Variants in SYNDIG1 observed in about 807,000 individuals in gnomAD.
SYNDIG1 encodes the protein synapse differentiation-inducing gene protein 1.
SYNDIG1 carries 9 observed loss-of-function variants against 19.4 expected under a neutral mutation model. That is an observed-to-expected ratio of 0.46 (90% CI 0.28 to 0.81). SYNDIG1 has a LOEUF of 0.81. SYNDIG1 is among the 30% of genes least tolerant of loss of function. The probability of loss-of-function intolerance (pLI) is 0.12; values close to 1 mark genes in which losing one functional copy is unlikely to be tolerated. For missense variants in SYNDIG1, 311 were observed against 343.3 expected, an observed-to-expected ratio of 0.91 and a Z score of 0.74; for synonymous variants, 141 against 145.9, an observed-to-expected ratio of 0.97 and a Z score of 0.24.
chr20:24,477,755 G>A (rs140294695), intron 1 of SYNDIG1, among the ~76,000 whole-genome samples: 1 of 152,342 alleles, frequency 6.6e-6, no homozygotes, highest in African/African-American at 2.4e-5. Context: ...TGGAAGTGGA[G>A]TAGGGAGAGC....
At chr20:24,501,996 C>G (rs1369301259) in intron 1 of SYNDIG1, among the ~76,000 whole-genome samples, 1 of 152,246 alleles carries the variant, frequency 6.6e-6, no homozygotes, top group Non-Finnish European at 1.5e-5. Flanking sequence ...GGCCCACGAG[C>G]AGCCCTTGGC....
chr20:24,607,439 C>A (rs1462539116), intron 3 of SYNDIG1, among the ~76,000 whole-genome samples: 5 of 152,074 alleles, frequency 3.3e-5, no homozygotes, highest in African/African-American at 1.2e-4. Flanking sequence ...CAGTTGGGCA[C>A]CCTGGTTCTG....
intron 1 of SYNDIG1, among the ~76,000 whole-genome samples, chr20:24,478,983 C>G (rs1357494447): frequency 6.6e-6 from 1 of 152,182 alleles, no homozygotes; most frequent in Non-Finnish European, 1.5e-5. Context: ...AGGCTTTTCC[C>G]GGAAGATGGA....
At chr20:24,476,678 A>C (rs1278025473) in intron 1 of SYNDIG1, among the ~76,000 whole-genome samples, 3 of 151,908 alleles carry the variant, frequency 2.0e-5, no homozygotes, top group Non-Finnish European at 1.5e-5. Flanking sequence ...TAAAAAAAAA[A>C]CAAACAAACA....
At chr20:24,554,110 T>C (rs2057763702) in intron 2 of SYNDIG1, among the ~76,000 whole-genome samples, 1 of 152,244 alleles carries the variant, frequency 6.6e-6, no homozygotes, top group Non-Finnish European at 1.5e-5. Context: ...GCTGTTTGTC[T>C]TTTATTGGTG....
chr20:24,552,478 C>G (rs1244311392), intron 2 of SYNDIG1, among the ~76,000 whole-genome samples: 1 of 151,968 alleles, frequency 6.6e-6, no homozygotes, highest in African/African-American at 2.4e-5. Flanking sequence ...CCACAACAGT[C>G]CCCAGAGTGT....
chr20:24,626,561 G>A (rs1275233149), intron 3 of SYNDIG1, among the ~76,000 whole-genome samples: 6 of 151,422 alleles, frequency 4.0e-5, no homozygotes, highest in South Asian at 2.1e-4. Flanking sequence ...GTGGGATGGC[G>A]GCCGGGCAGA....
intron 1 of SYNDIG1, among the ~76,000 whole-genome samples, chr20:24,505,125 C>T (rs533820398): frequency 1.3e-5 from 2 of 152,256 alleles, no homozygotes; most frequent in South Asian, 2.1e-4. Flanking sequence ...TGTGCGTGTC[C>T]AGCTTGCTAG....
At chr20:24,660,623 C>T (rs1398505587) in intron 3 of SYNDIG1, among the ~76,000 whole-genome samples, 1 of 152,242 alleles carries the variant, frequency 6.6e-6, no homozygotes, top group Non-Finnish European at 1.5e-5. Flanking sequence ...CCCAAACTCA[C>T]ATTGTCACAG....
rs938428394 is a variant in SYNDIG1 at position 24,658,463 on chromosome 20, T to A, written c.619-6883T>A. Among the ~76,000 whole-genome samples, 4 of 152,022 alleles carry A rather than the reference T, an allele frequency of 2.6e-5. No homozygotes were observed. The East Asian group carries it at 7.8e-4, about 29-fold the overall frequency. On this transcript the variant is annotated intron_variant, in intron 3 of 3. Coordinates refer to ENST00000376862, the MANE Select transcript of SYNDIG1 (RefSeq NM_024893.3). This position sits in a 1 kb window ranked among gnomAD's most constrained non-coding sequence, Gnocchi z 4.4. ...GTGGACCCCTGAAGTGGACAGGCGC[T>A]CTGGCCGTACCCTGGGGGGTGAAAG...
chr20:24,637,328 A>T (rs1188181160), intron 3 of SYNDIG1, among the ~76,000 whole-genome samples: 1 of 152,204 alleles, frequency 6.6e-6, no homozygotes, highest in Non-Finnish European at 1.5e-5. Flanking sequence ...CCTTCCCTTC[A>T]GAGCTACATT....
At chr20:24,600,078 C>T (rs1168429004) in intron 3 of SYNDIG1, among the ~76,000 whole-genome samples, 2 of 152,214 alleles carry the variant, frequency 1.3e-5, no homozygotes, top group Non-Finnish European at 2.9e-5. Flanking sequence ...CTACAGTATA[C>T]AGTCATTTGT....
intron 3 of SYNDIG1, among the ~76,000 whole-genome samples, chr20:24,603,919 C>A (rs1314449086): frequency 2.0e-5 from 3 of 152,166 alleles, no homozygotes; most frequent in African/African-American, 7.2e-5. Context: ...CAACCAGGAG[C>A]ACATTCACAG....
chr20:24,546,464 T>C (rs2057578917), intron 2 of SYNDIG1, among the ~76,000 whole-genome samples: 1 of 152,226 alleles, frequency 6.6e-6, no homozygotes, highest in Non-Finnish European at 1.5e-5. Flanking sequence ...CACTTGTCCA[T>C]AGCTAGCTGT....
chr20:24,500,886 C>T (rs2056438222), intron 1 of SYNDIG1, among the ~76,000 whole-genome samples: 2 of 152,094 alleles, frequency 1.3e-5, no homozygotes, highest in Admixed American at 6.5e-5. Context: ...TGATCTTAGG[C>T]TGACAAGGTG....
chr20:24,584,618 C>A (rs1488955179), intron 2 of SYNDIG1, among the ~76,000 whole-genome samples: 2 of 152,194 alleles, frequency 1.3e-5, no homozygotes, highest in African/African-American at 4.8e-5. Flanking sequence ...GACCCAAGAG[C>A]CCCGTACTTG....
At chr20:24,607,774 T>C (rs1216298613) in intron 3 of SYNDIG1, among the ~76,000 whole-genome samples, 1 of 152,238 alleles carries the variant, frequency 6.6e-6, no homozygotes, top group East Asian at 1.9e-4. Context: ...TTGTAGACTT[T>C]TTAGGTGTAC....
chr20:24,661,650 T>A (rs2059605177), intron 3 of SYNDIG1, among the ~76,000 whole-genome samples: 2 of 151,560 alleles, frequency 1.3e-5, no homozygotes, highest in Admixed American at 1.3e-4. Context: ...GCCTTCAGCA[T>A]GCCAGCATAT....
At chr20:24,489,271 C>T (rs1001612813) in intron 1 of SYNDIG1, among the ~76,000 whole-genome samples, 17 of 152,206 alleles carry the variant, frequency 1.1e-4, no homozygotes, top group East Asian at 7.7e-4. Context: ...CATGCACACA[C>T]GTGCTCACAG....
Sources: allele counts gnomAD v4.1 joint callset (sites outside exome capture counted in the v4.1 genomes callset), GRCh38; gene constraint gnomAD v4.1.1; non-coding constraint Gnocchi (gnomAD v3.1); transcripts MANE v1.5; gene names NCBI Gene and HGNC (gene_info 2026-07-23, HGNC 2026-07-21).